ELMO1: variants seen among roughly 807,000 people sequenced by gnomAD.
ELMO1 encodes engulfment and cell motility protein 1.
ELMO1 carries 26 observed loss-of-function variants against 98.9 expected under a neutral mutation model. The observed-to-expected ratio is 0.26, with a 90% CI of 0.19 to 0.36. The LOEUF is 0.36. Ranked by LOEUF, ELMO1 falls within the 10% of genes least tolerant of loss-of-function variation. ELMO1 has a pLI of 1.00. For synonymous variants in ELMO1, 346 were observed against 346.0 expected (o/e 1.00, Z 0.00); for missense variants, 627 against 935.2 (o/e 0.67, Z 4.30).
chr7:37,423,306 G>A (rs757538040), intron 1 of ELMO1, among the ~76,000 whole-genome samples: 14 of 152,198 alleles, frequency 9.2e-5, no homozygotes, highest in South Asian at 2.1e-4. Context: ...TTGGCCGGGC[G>A]TGGTGGCTTA....
At chr7:37,084,109 T>C (rs1481607856) in intron 15 of ELMO1, among the ~76,000 whole-genome samples, 1 of 152,130 alleles carries the variant, frequency 6.6e-6, no homozygotes, top group African/African-American at 2.4e-5. Flanking sequence ...GAACATACTG[T>C]AGTGTTGATA....
At chr7:37,402,101 T>C (rs1444072323) in intron 1 of ELMO1, among the ~76,000 whole-genome samples, 1 of 152,222 alleles carries the variant, frequency 6.6e-6, no homozygotes, top group Non-Finnish European at 1.5e-5. Context: ...AATACATGTG[T>C]ATCCTTTTCT....
intron 1 of ELMO1, among the ~76,000 whole-genome samples, chr7:37,380,299 A>C (rs1473302190): frequency 6.6e-6 from 1 of 152,206 alleles, no homozygotes; most frequent in Non-Finnish European, 1.5e-5. Flanking sequence ...GTGTCTTCCT[A>C]TTCCAATACA....
At chr7:36,963,400 TAAAA>T (rs57422575) in intron 16 of ELMO1, among the ~76,000 whole-genome samples, 30,122 of 140,564 alleles carry the variant, frequency 0.21, 3,625 homozygotes, top group African/African-American at 0.33. Context: ...AATAAATAAA[TAAAA>T]AAATAAATAA....
chr7:37,226,692 T>C (rs531879319), intron 8 of ELMO1, among the ~76,000 whole-genome samples: 10 of 152,290 alleles, frequency 6.6e-5, no homozygotes, highest in Non-Finnish European at 1.2e-4. Context: ...TTTATTAAAT[T>C]TGGATGTGCC....
At chr7:37,236,354 A>C (rs1794458918) in intron 7 of ELMO1, among the ~76,000 whole-genome samples, 1 of 152,308 alleles carries the variant, frequency 6.6e-6, no homozygotes, top group South Asian at 2.1e-4. Flanking sequence ...CATTTCTGAG[A>C]CTGCAAATAG....
In ELMO1 at chr7:37,383,408, A is replaced by G. The variant is rs1034041004; in HGVS notation, c.-73-40645T>C. Among the ~76,000 whole-genome samples, 3 of 152,260 alleles carry G rather than the reference A, an allele frequency of 2.0e-5. No homozygotes were observed. In the South Asian group the frequency reaches 6.2e-4, roughly 32 times the overall value. ...GCAGACCTATCACGGGAGTGATGCT[A>G]TATCAGAGGGCATATATAGTTGGTT... is the stretch of plus-strand genomic sequence containing the variant. On this transcript the variant is annotated intron_variant, in intron 1 of 21. Coordinates refer to ENST00000310758, the MANE Select transcript of ELMO1 (RefSeq NM_014800.11).
At chr7:36,901,890 A>C (rs1385264180) in intron 16 of ELMO1, among the ~76,000 whole-genome samples, 1 of 152,224 alleles carries the variant, frequency 6.6e-6, no homozygotes, top group Non-Finnish European at 1.5e-5. Context: ...AGGGTGGTTC[A>C]AGATTATATT....
intron 6 of ELMO1, among the ~76,000 whole-genome samples, chr7:37,251,280 G>C (rs942063256): frequency 1.3e-5 from 2 of 152,110 alleles, no homozygotes; most frequent in African/African-American, 4.8e-5. Flanking sequence ...TGCTCAGGCT[G>C]GGGCAACATG....
chr7:37,397,797 A>G (rs1803361782), intron 1 of ELMO1, among the ~76,000 whole-genome samples: 1 of 152,266 alleles, frequency 6.6e-6, no homozygotes, highest in Non-Finnish European at 1.5e-5. Context: ...TAGTACATAT[A>G]CACCATGGAA....
At chr7:36,892,738 A>G (rs758123664) in intron 17 of ELMO1, among the ~76,000 whole-genome samples, 1 of 152,212 alleles carries the variant, frequency 6.6e-6, no homozygotes, top group Admixed American at 6.5e-5. Flanking sequence ...TGCCGGCTTC[A>G]GAGACTGGGG....
chr7:37,010,577 A>T (rs1793475169), intron 16 of ELMO1, among the ~76,000 whole-genome samples: 1 of 152,242 alleles, frequency 6.6e-6, no homozygotes, highest in African/African-American at 2.4e-5. Flanking sequence ...CAAGAAGGAC[A>T]TAAGCCAAGG....
chr7:37,449,063 G>C (rs1805789461), upstream of ELMO1: 1 of 152,274 alleles, frequency 6.6e-6, no homozygotes, highest in South Asian at 2.1e-4. Flanking sequence ...CGTTCGCCTT[G>C]CGCCCGCACC....
chr7:36,953,091 G>A (rs1715227889), intron 16 of ELMO1, among the ~76,000 whole-genome samples: 1 of 146,916 alleles, frequency 6.8e-6, no homozygotes, highest in African/African-American at 2.5e-5. Context: ...TCAGCCTCCC[G>A]AGTAGCTGGG....
chr7:37,419,153 A>G (rs1178736741), intron 1 of ELMO1, among the ~76,000 whole-genome samples: 1 of 152,220 alleles, frequency 6.6e-6, no homozygotes, highest in East Asian at 1.9e-4. Context: ...TGAAATGCAG[A>G]AAGCATTTTC....
intron 16 of ELMO1, among the ~76,000 whole-genome samples, chr7:36,911,118 A>G (rs548676379): frequency 6.6e-6 from 1 of 152,282 alleles, no homozygotes; most frequent in East Asian, 1.9e-4. Context: ...GGTGCTGTGG[A>G]GAAAGGGATC....
intron 2 of ELMO1, among the ~76,000 whole-genome samples, chr7:37,334,831 A>G (rs1800312442): frequency 6.6e-6 from 1 of 152,238 alleles, no homozygotes. Context: ...ACTGCAGGCA[A>G]TCACACTTAC....
chr7:36,984,236 C>G (rs1562876953), intron 16 of ELMO1, among the ~76,000 whole-genome samples: 1 of 152,198 alleles, frequency 6.6e-6, no homozygotes, highest in Non-Finnish European at 1.5e-5. Context: ...CAAGCTCTTC[C>G]AGTCAGGCAG....
chr7:37,060,348 T>C (rs567383381), intron 15 of ELMO1, among the ~76,000 whole-genome samples: 1 of 152,306 alleles, frequency 6.6e-6, no homozygotes, highest in South Asian at 2.1e-4. Context: ...TGAAATCATG[T>C]CCTTTGCAGC....
Sources: gnomAD v4.1 joint callset for allele counts (sites outside exome capture counted in the v4.1 genomes callset) on GRCh38, gnomAD v4.1.1 for gene constraint, MANE v1.5 for transcripts, NCBI Gene and HGNC (gene_info 2026-07-23, HGNC 2026-07-21) for gene names.